Variants in PDE10A observed in about 807,000 individuals in gnomAD.
The protein encoded by PDE10A is phosphodiesterase 10A, also known as cAMP and cAMP-inhibited cGMP 3',5'-cyclic phosphodiesterase 10A.
A neutral mutation model predicts 97.7 loss-of-function variants in PDE10A; 39 were observed. That is an observed-to-expected ratio of 0.40 (90% CI 0.31 to 0.52). PDE10A has a LOEUF of 0.52. Among genes scored for constraint, PDE10A ranks in the 20% least tolerant of loss-of-function variants. The pLI is 0.56. For missense variants in PDE10A, 731 were observed against 1,047.8 expected (o/e 0.70, Z 4.17); for synonymous variants, 371 against 376.8 (o/e 0.98, Z 0.18).
At chr6:165,854,029 C>T (rs1054203754) in intron 1 of PDE10A, among the ~76,000 whole-genome samples, 2 of 152,122 alleles carry the variant, frequency 1.3e-5, no homozygotes, top group Admixed American at 6.5e-5. Flanking sequence ...GGCCGTGATG[C>T]GGGGCGTGGT....
chr6:165,353,947 TG>T lies in PDE10A; in HGVS notation c.2784-10446del, dbSNP rs1420115167. Among the ~76,000 whole-genome samples the T allele has an allele frequency of 2.0e-5, 3 of 152,286 alleles. No homozygotes were observed. The East Asian group carries it at 5.8e-4, about 29-fold the overall frequency. On this transcript the variant is annotated intron_variant, in intron 18 of 21. Coordinates refer to ENST00000539869, the MANE Select transcript of PDE10A (RefSeq NM_001385079.1). ...CTATTCTGGTGCAGGATACCAACAG[TG>T]GGGGAAGTTGTCCATGTGTGGGGAC...
intron 1 of PDE10A, among the ~76,000 whole-genome samples, chr6:165,586,007 T>C (rs1333869830): frequency 6.6e-6 from 1 of 152,124 alleles, no homozygotes; most frequent in Non-Finnish European, 1.5e-5. Context: ...CTGGACACCA[T>C]ACCCCATACC....
intron 2 of PDE10A, among the ~76,000 whole-genome samples, chr6:165,529,062 A>G (rs1782619279): frequency 6.6e-6 from 1 of 152,122 alleles, no homozygotes; most frequent in Admixed American, 6.5e-5. Flanking sequence ...CTGCTCTCCT[A>G]GAGGTCTTAT....
chr6:165,619,049 C>G (rs62424865), intron 1 of PDE10A, among the ~76,000 whole-genome samples: 45 of 101,804 alleles, frequency 4.4e-4, no homozygotes, highest in South Asian at 9.3e-4. Flanking sequence ...GTAGTGTAGT[C>G]TAGTGTGGTG....
intron 1 of PDE10A, among the ~76,000 whole-genome samples, chr6:165,705,454 G>A (rs985854550): frequency 2.0e-5 from 3 of 152,256 alleles, no homozygotes; most frequent in Non-Finnish European, 2.9e-5. Context: ...GCTAACGTTA[G>A]TGGTTTAGAC....
intron 1 of PDE10A, among the ~76,000 whole-genome samples, chr6:165,838,629 T>C (rs1302036865): frequency 6.6e-6 from 1 of 152,246 alleles, no homozygotes; most frequent in Non-Finnish European, 1.5e-5. Context: ...ATTTGGTAAG[T>C]ATTTCTTCAG....
chr6:165,359,842 G>A (rs111627656), intron 18 of PDE10A, among the ~76,000 whole-genome samples: 14 of 151,752 alleles, frequency 9.2e-5, no homozygotes, highest in South Asian at 2.1e-4. Context: ...CATTACAAAC[G>A]TAAACTCATC....
intron 3 of PDE10A, among the ~76,000 whole-genome samples, chr6:165,452,717 A>G (rs1294324221): frequency 1.3e-5 from 2 of 152,184 alleles, no homozygotes; most frequent in Non-Finnish European, 2.9e-5. Context: ...CAGCAGCACA[A>G]AATGGACTAA....
chr6:165,349,089 T>C (rs1230780328), intron 18 of PDE10A, among the ~76,000 whole-genome samples: 1 of 152,172 alleles, frequency 6.6e-6, no homozygotes, highest in Non-Finnish European at 1.5e-5. Flanking sequence ...TAAAGATACA[T>C]GAAACTGTGG....
At chr6:165,425,098 T>C (rs1341051052) in intron 10 of PDE10A, among the ~76,000 whole-genome samples, 1 of 152,086 alleles carries the variant, frequency 6.6e-6, no homozygotes, top group Admixed American at 6.5e-5. Context: ...CTGTAAAAAC[T>C]GGAAAAGAAG....
chr6:165,892,977 G>C (rs1023084234), intron 1 of PDE10A, among the ~76,000 whole-genome samples: 1 of 152,150 alleles, frequency 6.6e-6, no homozygotes, highest in Admixed American at 6.5e-5. Flanking sequence ...TCCTCTTCTC[G>C]TTGTTCTGGG....
At chr6:165,417,321 C>T (rs1788388461) in intron 11 of PDE10A, among the ~76,000 whole-genome samples, 2 of 151,958 alleles carry the variant, frequency 1.3e-5, no homozygotes, top group Non-Finnish European at 2.9e-5. Flanking sequence ...ATGATTTATG[C>T]TTCTTTGCGT....
Position 165,451,428 on chromosome 6 carries a change from C to A in PDE10A, c.1024-1066G>T, listed in dbSNP as rs74932837. ...ACTCGAAATATAAAATTCTGTCTCTCCATGGCTTCAAACACTCCTGGGGCT... is the reference window on the plus strand; with the variant it reads ...ACTCGAAATATAAAATTCTGTCTCTACATGGCTTCAAACACTCCTGGGGCT... On this transcript the variant is annotated intron_variant, in intron 3 of 21. Transcript: ENST00000539869. Among the ~76,000 whole-genome samples, 1,475 of 152,340 alleles carry A rather than the reference C, an allele frequency of 9.7e-3. 27 individuals carry two copies. Among genetic ancestry groups the A allele is most frequent in the African/African-American group, 0.034 (1,418 of 41,578 alleles).
intron 1 of PDE10A, among the ~76,000 whole-genome samples, chr6:165,983,314 G>C (rs923805965): frequency 6.6e-6 from 1 of 152,152 alleles, no homozygotes; most frequent in Non-Finnish European, 1.5e-5. Context: ...TAACAATAGA[G>C]GGGCCACACA....
At chr6:165,961,884 G>A (rs758600383) in intron 1 of PDE10A, among the ~76,000 whole-genome samples, 2 of 152,198 alleles carry the variant, frequency 1.3e-5, no homozygotes, top group Non-Finnish European at 2.9e-5. Context: ...GCAGTAAAAG[G>A]TGGTTTGTGG....
chr6:165,699,876 A>G (rs1252191375), intron 1 of PDE10A, among the ~76,000 whole-genome samples: 1 of 152,188 alleles, frequency 6.6e-6, no homozygotes, highest in Non-Finnish European at 1.5e-5. Flanking sequence ...ATATTAGTAA[A>G]GAAGAAAGAT....
At chr6:165,800,282 C>G (rs1396977815) in intron 1 of PDE10A, among the ~76,000 whole-genome samples, 1 of 152,140 alleles carries the variant, frequency 6.6e-6, no homozygotes, top group African/African-American at 2.4e-5. Flanking sequence ...GAGAAAGGCT[C>G]GTTCTACTAA....
intron 13 of PDE10A, among the ~76,000 whole-genome samples, chr6:165,403,569 CT>C: frequency 6.6e-6 from 1 of 152,116 alleles, no homozygotes; most frequent in South Asian, 2.1e-4. Flanking sequence ...ATTGTGCACT[CT>C]TTTCCCCTAT....
At chr6:165,696,812 G>T (rs117170307) in intron 1 of PDE10A, among the ~76,000 whole-genome samples, 3,535 of 152,240 alleles carry the variant, frequency 0.023, 60 homozygotes, top group Non-Finnish European at 0.034. Flanking sequence ...AGGTAATGTT[G>T]CATCAAGTAG....
Sources: gnomAD v4.1 joint callset for allele counts (sites outside exome capture counted in the v4.1 genomes callset) on GRCh38, gnomAD v4.1.1 for gene constraint, MANE v1.5 for transcripts, NCBI Gene and HGNC (gene_info 2026-07-23, HGNC 2026-07-21) for gene names.